Variants in TNRC6B observed in about 807,000 individuals in gnomAD.
TNRC6B encodes trinucleotide repeat containing adaptor 6B.
In TNRC6B, 52 loss-of-function variants were observed where a neutral mutation model predicts 203.6. The ratio of observed to expected loss-of-function variants is 0.26; its 90% CI spans 0.20 to 0.32. The LOEUF is 0.32. TNRC6B is among the 10% of genes least tolerant of loss of function. The pLI is 1.00. For synonymous variants in TNRC6B, 838 were observed against 845.7 expected, an observed-to-expected ratio of 0.99 and a Z score of 0.16; for missense variants, 1,923 against 2,286.2, an observed-to-expected ratio of 0.84 and a Z score of 3.24.
chr22:40,046,613 ATT>A (rs11300855), intron 1 of TNRC6B, among the ~76,000 whole-genome samples: 4,749 of 122,360 alleles, frequency 0.039, 244 homozygotes, highest in African/African-American at 0.12. Context: ...AAGCACTTAA[ATT>A]TTTTTTTTTT....
chr22:40,272,998 G>A (rs916617009), intron 6 of TNRC6B, among the ~76,000 whole-genome samples: 5 of 152,038 alleles, frequency 3.3e-5, no homozygotes, highest in East Asian at 3.9e-4. Context: ...ATCATACCTC[G>A]TATTTATAGT....
chr22:40,114,739 G>C (rs751431567), intron 1 of TNRC6B, among the ~76,000 whole-genome samples: 7 of 152,112 alleles, frequency 4.6e-5, no homozygotes, highest in African/African-American at 7.2e-5. Context: ...TAGTTTGGCT[G>C]CTCTGAAAGA....
At chr22:40,285,862 G>A in intron 12 of TNRC6B, 92 bp downstream of exon 12, 2 of 1,465,206 alleles carry the variant, frequency 1.4e-6, no homozygotes, top group Non-Finnish European at 1.8e-6. Flanking sequence ...TAAAAAGAAT[G>A]ATAGTAAGTA....
intron 2 of TNRC6B, among the ~76,000 whole-genome samples, chr22:40,247,064 A>G (rs913273646): frequency 6.6e-6 from 1 of 152,168 alleles, no homozygotes; most frequent in African/African-American, 2.4e-5. Context: ...GCCTCAGAGC[A>G]TGCCCCTCTG....
chr22:40,087,026 C>T (rs897672416), intron 1 of TNRC6B, among the ~76,000 whole-genome samples: 2 of 152,120 alleles, frequency 1.3e-5, no homozygotes, highest in African/African-American at 4.8e-5. Flanking sequence ...TTCTTCCTGG[C>T]ATTTTTAGGA....
chr22:40,049,839 G>A (rs989226539), intron 1 of TNRC6B, among the ~76,000 whole-genome samples: 6 of 151,914 alleles, frequency 3.9e-5, no homozygotes, highest in Admixed American at 3.3e-4. Context: ...CCTGACCTCA[G>A]GTGATCTGCC....
intron 1 of TNRC6B, among the ~76,000 whole-genome samples, chr22:40,229,091 C>T (rs2069831973): frequency 1.3e-5 from 2 of 152,136 alleles, no homozygotes; most frequent in South Asian, 4.1e-4. Flanking sequence ...GCCTTATAAA[C>T]ACATAATATA....
chr22:40,197,787 C>A (rs2069360913), intron 1 of TNRC6B, among the ~76,000 whole-genome samples: 1 of 151,350 alleles, frequency 6.6e-6, no homozygotes, highest in Non-Finnish European at 1.5e-5. Context: ...AAAAAAACTT[C>A]TTTTAACAGA....
In TNRC6B at chr22:40,312,632, G is replaced by T. The variant is rs1384276321; in HGVS notation, c.4563G>T (p.Leu1521=). 1 of 1,612,262 alleles carries T rather than the reference G, an allele frequency of 6.2e-7. No individual in the cohort carries two copies. Among genetic ancestry groups the T allele is most frequent in the Admixed American group, 1.7e-5 (1 of 59,634 alleles). Residue 1521 remains leucine, a synonymous_variant, in exon 18 of 23, where the codon CTG becomes CTT. Transcript: ENST00000454349. ...CCATTGTAGATACTGACCACCAACTGCTGCGGGATAACACCACAGGTACTT... is the reference window on the plus strand; with the variant it reads ...CCATTGTAGATACTGACCACCAACTTCTGCGGGATAACACCACAGGTACTT... The part of the protein sequence containing the change: ...TSPIVDTDHQ[L]LRDNTTGSNS...
chr22:40,108,249 G>A (rs1569262882), intron 1 of TNRC6B, among the ~76,000 whole-genome samples: 1 of 152,146 alleles, frequency 6.6e-6, no homozygotes, highest in African/African-American at 2.4e-5. Flanking sequence ...TGTTGCCCAG[G>A]GCAGTAGAGC....
At chr22:40,144,925 A>G (rs2068677857) in intron 3 of TNRC6B, among the ~76,000 whole-genome samples, 2 of 151,400 alleles carry the variant, frequency 1.3e-5, no homozygotes, top group Admixed American at 6.6e-5. Flanking sequence ...TTGAAGGTAC[A>G]ACCATATCTA....
At chr22:40,189,290 TG>T (rs989792507) in intron 1 of TNRC6B, among the ~76,000 whole-genome samples, 11 of 152,166 alleles carry the variant, frequency 7.2e-5, no homozygotes, top group Non-Finnish European at 1.2e-4. Flanking sequence ...GAAACTGAAG[TG>T]GGAAACACCT....
At chr22:40,053,278 G>A (rs980019277) in intron 1 of TNRC6B, among the ~76,000 whole-genome samples, 1 of 151,930 alleles carries the variant, frequency 6.6e-6, no homozygotes, top group Non-Finnish European at 1.5e-5. Context: ...AACAGGCTCC[G>A]AAAGCAGCTT....
At chr22:40,078,288 G>A (rs1425533338) in intron 1 of TNRC6B, among the ~76,000 whole-genome samples, 5 of 152,154 alleles carry the variant, frequency 3.3e-5, no homozygotes, top group African/African-American at 1.2e-4. Flanking sequence ...AGCACTTTGA[G>A]AGGTGGGAAG....
In TNRC6B at chr22:40,264,771, C is replaced by T. The variant is rs752834177; in HGVS notation, c.541C>T (p.Pro181Ser). The change falls in exon 5 of 23, where the codon CCC becomes TCC. Residue 181 changes from proline (P) to serine (S), a missense_variant. This residue lies in a region of TNRC6B where 614 missense variants were observed against 587.7 expected (regional missense o/e 1.04). Transcript: ENST00000454349. ...AGCCTCCTCCAACAACGGCACCTCCCCCAACCCAATTCACATCTGGGACAA... is the reference window on the plus strand; with the variant it reads ...AGCCTCCTCCAACAACGGCACCTCCTCCAACCCAATTCACATCTGGGACAA... ...SGASSNNGTS[P>S]NPIHIWDKVI... is the part of the protein sequence containing the mutation. 1 of 1,613,756 alleles carries T rather than the reference C, an allele frequency of 6.2e-7. No homozygotes were observed. Among genetic ancestry groups the T allele is most frequent in the Non-Finnish European group, 8.5e-7 (1 of 1,179,780 alleles).
intron 3 of TNRC6B, among the ~76,000 whole-genome samples, chr22:40,136,359 T>A (rs1381255763): frequency 7.0e-6 from 1 of 142,846 alleles, no homozygotes; most frequent in Non-Finnish European, 1.5e-5. Flanking sequence ...TGTACCTTTG[T>A]GTATGTTTAT....
intron 5 of TNRC6B, 111 bp from the exon 6 acceptor site, chr22:40,270,011 C>A: frequency 9.5e-7 from 1 of 1,057,650 alleles, no homozygotes; most frequent in Non-Finnish European, 1.3e-6. Context: ...AATCTATTTA[C>A]ATTTCTACCA....
At position 40,307,954 on chromosome 22, in the gene TNRC6B, T is replaced by A. The variant is rs142959128; in HGVS notation, c.4121-558T>A. Among the ~76,000 whole-genome samples the A allele has an allele frequency of 2.0e-3, 302 of 152,274 alleles. 1 individual carries two copies. Among genetic ancestry groups the A allele is most frequent in the African/African-American group, 7.1e-3 (295 of 41,552 alleles). The stretch of plus-strand genomic sequence containing the variant: ...CATTTCTCCTCATCCCCCACCACTC[T>A]CCGCCTCACTTCATCCCAGAGTTAG... On this transcript the variant is annotated intron_variant, in intron 15 of 22. Coordinates refer to ENST00000454349, the MANE Select transcript of TNRC6B (RefSeq NM_001162501.2).
chr22:40,227,467 A>C (rs917366407), intron 1 of TNRC6B, among the ~76,000 whole-genome samples: 1 of 140,422 alleles, frequency 7.1e-6, no homozygotes, highest in Non-Finnish European at 1.5e-5. Context: ...CTGCTGCCTC[A>C]GCCTCCCAAG....
Sources: gnomAD v4.1 joint callset for allele counts (sites outside exome capture counted in the v4.1 genomes callset) on GRCh38, gnomAD v4.1.1 for gene constraint, gnomAD v4.1.1 regional missense constraint, MANE v1.5 for transcripts, NCBI Gene and HGNC (gene_info 2026-07-23, HGNC 2026-07-21) for gene names.